CPQ: variants seen among roughly 807,000 people sequenced by gnomAD.
The protein encoded by CPQ is Ser-Met dipeptidase.
A neutral mutation model predicts 45.7 loss-of-function variants in CPQ; 37 were observed. That is an observed-to-expected ratio of 0.81 (90% CI 0.62 to 1.07). The LOEUF (loss-of-function observed/expected upper bound fraction) is 1.07, where lower values mean the gene tolerates loss of function less well. CPQ is among the 50% of genes least tolerant of loss of function. The pLI, the probability that CPQ is intolerant of heterozygous loss-of-function variation, is 0.00. For synonymous variants in CPQ, 186 were observed against 205.8 expected, an observed-to-expected ratio of 0.90 and a Z score of 0.82; for missense variants, 537 against 572.9, an observed-to-expected ratio of 0.94 and a Z score of 0.64.
intron 7 of CPQ, among the ~76,000 whole-genome samples, chr8:97,135,257 T>C (rs1471468452): frequency 6.6e-6 from 1 of 152,028 alleles, no homozygotes; most frequent in East Asian, 1.9e-4. Context: ...TGATTGAGGA[T>C]TTTTTTTGTT....
In CPQ at chr8:96,710,698, G is replaced by A. The variant is rs567263763; in HGVS notation, c.-35+65296G>A. Among the ~76,000 whole-genome samples the A allele has an allele frequency of 2.0e-5, 3 of 152,198 alleles. No individual in the cohort carries two copies. The East Asian group carries it at 5.8e-4, about 29-fold the overall frequency. On this transcript the variant is annotated intron_variant, in intron 1 of 7. Coordinates refer to ENST00000220763, the MANE Select transcript of CPQ (RefSeq NM_016134.4). ...TTGATTTCTAGTTTTATTCCATTGT[G>A]GTCTGAGAAGATACTTGATTTGATT...
intron 1 of CPQ, among the ~76,000 whole-genome samples, chr8:96,762,118 ATT>A (rs1810412852): frequency 6.7e-6 from 1 of 150,300 alleles, no homozygotes; most frequent in African/African-American, 2.4e-5. Flanking sequence ...GTTATTACAT[ATT>A]TAGCTGGAAT....
rs562547906 is a variant in CPQ at position 96,995,671 on chromosome 8, A to T, written c.961+29625A>T. ...GACTTGTGAGGTTTTTTTTTTTTTA[A>T]AAAAAAAACACTTCTATTTTAAGTT... is the stretch of plus-strand genomic sequence containing the variant. On this transcript the variant is annotated intron_variant, in intron 5 of 7. Transcript: ENST00000220763. Among the ~76,000 whole-genome samples the T allele has an allele frequency of 4.0e-3, 588 of 147,552 alleles. 5 individuals carry two copies. The East Asian group carries it at 0.043, about 11-fold the overall frequency.
intron 7 of CPQ, among the ~76,000 whole-genome samples, chr8:97,070,407 TA>T (rs1325366068): frequency 6.6e-6 from 1 of 152,220 alleles, no homozygotes; most frequent in Admixed American, 6.6e-5. Flanking sequence ...TTAAGGTCAA[TA>T]ATTTCTCATT....
At chr8:96,837,852 T>G (rs1811551297) in intron 3 of CPQ, among the ~76,000 whole-genome samples, 1 of 152,128 alleles carries the variant, frequency 6.6e-6, no homozygotes, top group Non-Finnish European at 1.5e-5. Context: ...TGTCCATCAT[T>G]TCTAACAGAC....
chr8:96,936,897 G>C (rs1461879439), intron 4 of CPQ, among the ~76,000 whole-genome samples: 4 of 152,100 alleles, frequency 2.6e-5, no homozygotes, highest in African/African-American at 9.7e-5. Flanking sequence ...CATTAGAGGA[G>C]ATAAAACAGG....
intron 5 of CPQ, among the ~76,000 whole-genome samples, chr8:96,984,248 A>T (rs1451310631): frequency 6.6e-6 from 1 of 152,120 alleles, no homozygotes; most frequent in Non-Finnish European, 1.5e-5. Context: ...TGCCTTGTTT[A>T]TAAACTGTCC....
intron 1 of CPQ, among the ~76,000 whole-genome samples, chr8:96,760,127 G>T (rs1340703192): frequency 1.3e-5 from 2 of 152,142 alleles, no homozygotes; most frequent in African/African-American, 4.8e-5. Flanking sequence ...GCTCATAAAG[G>T]CTGTTCCAGT....
At chr8:96,788,237 C>A (rs1207207470) in intron 2 of CPQ, among the ~76,000 whole-genome samples, 1 of 151,652 alleles carries the variant, frequency 6.6e-6, no homozygotes, top group Non-Finnish European at 1.5e-5. Flanking sequence ...CAGCTCACTG[C>A]AACCTCCATT....
chr8:96,803,434 A>G (rs1239159310), intron 2 of CPQ, among the ~76,000 whole-genome samples: 2 of 152,232 alleles, frequency 1.3e-5, no homozygotes, highest in African/African-American at 4.8e-5. Flanking sequence ...TTAAAGATCT[A>G]TTAATACCTT....
chr8:96,645,589 C>G (rs903585361), intron 1 of CPQ, among the ~76,000 whole-genome samples, 187 bp downstream of exon 1: 2 of 152,020 alleles, frequency 1.3e-5, no homozygotes, highest in African/African-American at 4.8e-5. Context: ...GGGTTGGGAG[C>G]CTGTGGCTGC....
intron 1 of CPQ, among the ~76,000 whole-genome samples, chr8:96,696,388 G>T (rs111533983): frequency 6.6e-6 from 1 of 151,428 alleles, no homozygotes; most frequent in South Asian, 2.1e-4. Context: ...ACATGTGTAC[G>T]TATGTAACTA....
At chr8:97,142,892 T>C in intron 7 of CPQ, 128 bp from the exon 8 acceptor site, 2 of 798,590 alleles carry the variant, frequency 2.5e-6, no homozygotes, top group Non-Finnish European at 3.9e-6. Context: ...CAAGAGAGCC[T>C]GGAAAAGTAA....
chr8:96,766,336 C>T (rs1167107917), intron 1 of CPQ, among the ~76,000 whole-genome samples: 1 of 152,206 alleles, frequency 6.6e-6, no homozygotes, highest in African/African-American at 2.4e-5. Flanking sequence ...GTTGTCATCT[C>T]TGTCACTTGG....
intron 4 of CPQ, among the ~76,000 whole-genome samples, chr8:96,883,722 A>G (rs1485553141): frequency 1.3e-5 from 2 of 152,148 alleles, no homozygotes; most frequent in African/African-American, 2.4e-5. Flanking sequence ...CCTTATCCCC[A>G]ATAAATGTCG....
At chr8:96,673,602 G>A (rs112591548) in intron 1 of CPQ, among the ~76,000 whole-genome samples, 3,618 of 152,200 alleles carry the variant, frequency 0.024, 158 homozygotes, top group African/African-American at 0.082. Context: ...TTATGATTTA[G>A]TTCTAGGAAG....
intron 6 of CPQ, among the ~76,000 whole-genome samples, chr8:97,033,098 G>A (rs1809936989): frequency 6.6e-6 from 1 of 151,338 alleles, no homozygotes; most frequent in African/African-American, 2.4e-5. Context: ...TGATAATGGA[G>A]TCTCGAGGTC....
chr8:96,760,553 A>G (rs1810387401), intron 1 of CPQ, among the ~76,000 whole-genome samples: 1 of 152,148 alleles, frequency 6.6e-6, no homozygotes, highest in African/African-American at 2.4e-5. Context: ...GTATTTCTAA[A>G]GGGCTTAAGG....
chr8:97,038,267 G>T (rs1398684530), intron 6 of CPQ, among the ~76,000 whole-genome samples: 1 of 152,138 alleles, frequency 6.6e-6, no homozygotes, highest in Non-Finnish European at 1.5e-5. Flanking sequence ...TCAATTATTT[G>T]GCTGGCATTT....
Sources: allele counts gnomAD v4.1 joint callset (sites outside exome capture counted in the v4.1 genomes callset), GRCh38; gene constraint gnomAD v4.1.1; transcripts MANE v1.5; gene names NCBI Gene and HGNC (gene_info 2026-07-23, HGNC 2026-07-21).